ANP32B: variants seen among roughly 807,000 people sequenced by gnomAD.
ANP32B encodes acidic nuclear phosphoprotein 32 family member B.
A neutral mutation model predicts 32.2 loss-of-function variants in ANP32B; 6 were observed. The ratio of observed to expected loss-of-function variants is 0.19; its 90% CI spans 0.10 to 0.37. The LOEUF is 0.37. Among genes scored for constraint, ANP32B ranks in the 10% least tolerant of loss-of-function variants. The pLI, the probability that ANP32B is intolerant of heterozygous loss-of-function variation, is 1.00. For missense variants in ANP32B, 204 were observed against 289.2 expected, an observed-to-expected ratio of 0.71 and a Z score of 2.14; for synonymous variants, 98 against 105.8, an observed-to-expected ratio of 0.93 and a Z score of 0.45.
At chr9:97,986,466 G>A (rs1396183327) in intron 1 of ANP32B, 1 of 152,242 alleles carries the variant, frequency 6.6e-6, no homozygotes, top group African/African-American at 2.4e-5. Flanking sequence ...TAGGTACCCA[G>A]TTGGGCGAAT....
intron 2 of ANP32B, among the ~76,000 whole-genome samples, chr9:97,998,002 C>T (rs926040192): frequency 6.6e-6 from 1 of 152,218 alleles, no homozygotes; most frequent in African/African-American, 2.4e-5. Context: ...TGTTGACCTA[C>T]TCCCTTTCCT....
At chr9:98,002,889 C>T (rs1002047387) in intron 3 of ANP32B, among the ~76,000 whole-genome samples, 22 of 152,306 alleles carry the variant, frequency 1.4e-4, no homozygotes, top group African/African-American at 4.6e-4. Flanking sequence ...ATAAATGGCT[C>T]ATTCCTTTAA....
chr9:98,015,631 T>G lies in ANP32B; in HGVS notation c.*200T>G. On this transcript the variant is annotated 3_prime_UTR_variant, in exon 7 of 7. Coordinates refer to ENST00000339399, the MANE Select transcript of ANP32B (RefSeq NM_006401.3). ...CCTCTTGGTAATCTACCACCAAGCT[T>G]GTGGACTTCACCCCAACAAAATTGT... is the stretch of plus-strand genomic sequence containing the variant. 2.3e-6 allele frequency: 3 copies of G among 1,287,200 alleles called. No homozygotes were observed. Among genetic ancestry groups the G allele is most frequent in the Non-Finnish European group, 3.0e-6 (3 of 1,009,240 alleles). 79.7% of individuals were successfully genotyped at this position (1,287,200 alleles called of 1,614,324 possible). A position where few individuals can be genotyped will look rare whatever the true frequency, so the allele number is the denominator to read the frequency against.
chr9:98,005,939 C>T (rs1336345004), intron 4 of ANP32B, among the ~76,000 whole-genome samples: 6 of 152,278 alleles, frequency 3.9e-5, no homozygotes, highest in African/African-American at 1.4e-4. Flanking sequence ...ACAGCCACTC[C>T]CCATTGCTCA....
rs191802340 is a variant in ANP32B, at chr9:97,992,433, T to C, written c.55-2198T>C. ...CCTGCATTTGAGTCCTGTGATACTTTCTGATGACGCCTTGCAGTGGTTCAA... is the reference window on the plus strand; with the variant it reads ...CCTGCATTTGAGTCCTGTGATACTTCCTGATGACGCCTTGCAGTGGTTCAA... On this transcript the variant is annotated intron_variant, in intron 1 of 6. Transcript: ENST00000339399. Among the ~76,000 whole-genome samples the C allele has an allele frequency of 3.0e-3, 455 of 152,332 alleles. 4 individuals carry two copies. Among genetic ancestry groups the C allele is most frequent in the African/African-American group, 0.011 (438 of 41,588 alleles).
At chr9:98,009,824 A>T (rs918842822) in intron 4 of ANP32B, among the ~76,000 whole-genome samples, 5 of 152,252 alleles carry the variant, frequency 3.3e-5, no homozygotes, top group African/African-American at 1.2e-4. Flanking sequence ...ATAGAGGAGG[A>T]AAAGCATCAA....
chr9:97,995,245 A>G (rs1207476950), intron 2 of ANP32B, among the ~76,000 whole-genome samples: 5 of 152,198 alleles, frequency 3.3e-5, no homozygotes, highest in Non-Finnish European at 7.3e-5. Context: ...TTGCTCCTCT[A>G]ACCCAACCCC....
intron 1 of ANP32B, chr9:97,984,591 G>T (rs1291115557): frequency 6.6e-6 from 1 of 150,936 alleles, no homozygotes; most frequent in African/African-American, 2.4e-5. Flanking sequence ...ATGTTGGCGG[G>T]TGCCCGTCTC....
rs201411776 is a variant in ANP32B, at chr9:98,010,272, T to G, written c.518-999T>G. ...TTACAGAGAAATGGTGTTTTTTTTT[T>G]TTTGTTTTTTTTTTTTAAATCATAA... On this transcript the variant is annotated intron_variant, in intron 4 of 6. Transcript: ENST00000339399. 5.2e-3 allele frequency among the ~76,000 whole-genome samples: 779 copies of G among 151,204 alleles called. 34 individuals are homozygous for G. In the East Asian group the frequency reaches 0.095, roughly 19 times the overall value.
At chr9:97,998,356 A>G (rs1827937327) in intron 2 of ANP32B, among the ~76,000 whole-genome samples, 200 bp from the exon 3 acceptor site, 1 of 152,246 alleles carries the variant, frequency 6.6e-6, no homozygotes, top group Non-Finnish European at 1.5e-5. Context: ...GCTGATTAGG[A>G]AAACACAATA....
chr9:97,998,739 T>G (rs1215057627), intron 3 of ANP32B, 61 bp downstream of exon 3: 2 of 1,384,888 alleles, frequency 1.4e-6, no homozygotes, highest in Non-Finnish European at 1.9e-6. Context: ...CATATTTCTT[T>G]ATAGTGGGGG....
intron 1 of ANP32B, among the ~76,000 whole-genome samples, chr9:97,992,962 G>A (rs562669415): frequency 6.6e-6 from 1 of 152,152 alleles, no homozygotes; most frequent in South Asian, 2.1e-4. Context: ...GCACAAGGTC[G>A]CACAAGTTCT....
intron 2 of ANP32B, among the ~76,000 whole-genome samples, chr9:97,997,128 A>G (rs1827918298): frequency 6.6e-6 from 1 of 152,244 alleles, no homozygotes; most frequent in Non-Finnish European, 1.5e-5. Context: ...CACAGGGTCT[A>G]AAACATGGGT....
Position 97,994,534 on chromosome 9 carries a change from G to A in ANP32B, c.55-97G>A, listed in dbSNP as rs1035198272. 5 of 1,216,250 alleles carry A rather than the reference G, an allele frequency of 4.1e-6. No homozygotes were observed. The African/African-American group carries it at 6.1e-5, about 15-fold the overall frequency. The allele number at this position is 1,216,250 out of a possible 1,614,324, so 75.3% of individuals were successfully genotyped here. Reference sequence around the variant, plus strand: ...AAGTAAGAGGCTGCCTGTATATATGGGTGTTTTTGCAGGATATTTATGGTA... The same window carrying A: ...AAGTAAGAGGCTGCCTGTATATATGAGTGTTTTTGCAGGATATTTATGGTA... On this transcript the variant is annotated intron_variant, in intron 1 of 6. Coordinates refer to ENST00000339399, the MANE Select transcript of ANP32B (RefSeq NM_006401.3).
At chr9:98,010,882 G>A (rs1415389562) in intron 4 of ANP32B, among the ~76,000 whole-genome samples, 1 of 151,770 alleles carries the variant, frequency 6.6e-6, no homozygotes, top group Non-Finnish European at 1.5e-5. Flanking sequence ...ATTTCAGACA[G>A]TGACAAAGGG....
Position 98,013,975 on chromosome 9 carries a change from C to A in ANP32B, c.689-1389C>A, listed in dbSNP as rs368319640. 7.9e-5 allele frequency among the ~76,000 whole-genome samples: 12 copies of A among 152,320 alleles called. No homozygotes were observed. The South Asian group carries it at 2.5e-3, about 32-fold the overall frequency. ...GAGGCTATGATAGTGCCACCGCACT[C>A]CAGCCTGAGTGACAGAGGGAGACCT... On this transcript the variant is annotated intron_variant, in intron 6 of 6. Transcript: ENST00000339399.
chr9:97,992,759 T>A (rs1827848935), intron 1 of ANP32B, among the ~76,000 whole-genome samples: 1 of 152,214 alleles, frequency 6.6e-6, no homozygotes, highest in African/African-American at 2.4e-5. Context: ...AATAAATACA[T>A]GGTTGTAAAA....
chr9:97,998,533 G>T, intron 2 of ANP32B, 23 bp from the exon 3 acceptor site: 1 of 1,596,564 alleles, frequency 6.3e-7, no homozygotes, highest in Non-Finnish European at 8.5e-7. Context: ...TTGTGTTTGT[G>T]TTGTGTCCAT....
intron 1 of ANP32B, 84 bp from the exon 2 acceptor site, chr9:97,994,547 G>C (rs986087086): frequency 1.4e-6 from 2 of 1,421,516 alleles, no homozygotes; most frequent in African/African-American, 2.9e-5. Flanking sequence ...GTTTTTGCAG[G>C]ATATTTATGG....
Sources: allele counts gnomAD v4.1 joint callset (sites outside exome capture counted in the v4.1 genomes callset), GRCh38; gene constraint gnomAD v4.1.1; transcripts MANE v1.5; gene names NCBI Gene and HGNC (gene_info 2026-07-23, HGNC 2026-07-21).